The following MGMT variants were observed in gnomAD, a reference collection of about 807,000 sequenced individuals.
MGMT encodes methylated-DNA--protein-cysteine methyltransferase.
Under a neutral mutation model 15.9 loss-of-function variants are expected in MGMT, and 14 were observed. The ratio of observed to expected loss-of-function variants is 0.88; its 90% confidence interval spans 0.58 to 1.37. The LOEUF is 1.37. Among genes scored for constraint, MGMT ranks in the 40% most tolerant of loss-of-function variants. The pLI is 0.00. For synonymous variants in MGMT, 130 were observed against 118.2 expected, an observed-to-expected ratio of 1.10 and a Z score of -0.65; for missense variants, 282 against 268.1, an observed-to-expected ratio of 1.05 and a Z score of -0.36.
intron 2 of MGMT, among the ~76,000 whole-genome samples, chr10:129,598,886 C>T (rs142330606): frequency 6.6e-6 from 1 of 152,308 alleles, no homozygotes; most frequent in East Asian, 1.9e-4. Context: ...CTTGTTTTGA[C>T]AGGGACATCA....
chr10:129,731,267 C>T (rs181932066), intron 3 of MGMT, among the ~76,000 whole-genome samples: 16 of 152,212 alleles, frequency 1.1e-4, no homozygotes, highest in African/African-American at 3.9e-4. Flanking sequence ...CCTCTGGACC[C>T]CTCTTTAAGA....
chr10:129,489,434 A>G (rs2119653241), intron 1 of MGMT, among the ~76,000 whole-genome samples: 1 of 147,472 alleles, frequency 6.8e-6, no homozygotes, highest in East Asian at 2.0e-4. Context: ...CCTCTTCAGG[A>G]GTTTCTTGAT....
chr10:129,613,658 A>T (rs975512536), intron 2 of MGMT, among the ~76,000 whole-genome samples: 1 of 152,208 alleles, frequency 6.6e-6, no homozygotes, highest in African/African-American at 2.4e-5. Flanking sequence ...AAGGTCTAAA[A>T]CATTTACCAT....
chr10:129,724,933 C>A (rs187346638), intron 3 of MGMT, among the ~76,000 whole-genome samples: 1 of 152,290 alleles, frequency 6.6e-6, no homozygotes, highest in East Asian at 1.9e-4. Context: ...ATGGCCTCAG[C>A]GAGATACTGA....
At chr10:129,694,322 A>C (rs565495658) in intron 2 of MGMT, 1 of 152,400 alleles carries the variant, frequency 6.6e-6, no homozygotes, top group African/African-American at 2.4e-5. Context: ...ACACCTGGAA[A>C]TAAATGCTGC....
chr10:129,700,972 C>A (rs1185420932), intron 2 of MGMT: 1 of 152,260 alleles, frequency 6.6e-6, no homozygotes, highest in Non-Finnish European at 1.5e-5. Flanking sequence ...TGCTGCTCTG[C>A]CCTTCAGTCC....
intron 2 of MGMT, chr10:129,537,198 G>A (rs1423601112): frequency 6.6e-6 from 1 of 151,436 alleles, no homozygotes; most frequent in Admixed American, 6.6e-5. Flanking sequence ...TCTCTTAACT[G>A]GCTAATAAAC....
Position 129,662,950 on chromosome 10 carries a change from C to T in MGMT, c.126-44945C>T, listed in dbSNP as rs74406438. 8.8e-3 allele frequency among the ~76,000 whole-genome samples: 1,346 copies of T among 152,214 alleles called. 14 individuals are homozygous for T. Among genetic ancestry groups the T allele is most frequent in the African/African-American group, 0.028 (1,165 of 41,542 alleles). ...ACGCAAAGAGAAATAAATAGCAACA[C>T]GGAAATTGTCAGAGATGTTAACACA... On this transcript the variant is annotated intron_variant, in intron 2 of 4. Coordinates refer to ENST00000651593, the MANE Select transcript of MGMT (RefSeq NM_002412.5).
intron 2 of MGMT, among the ~76,000 whole-genome samples, chr10:129,661,192 G>A (rs1455851501): frequency 3.3e-5 from 5 of 152,062 alleles, no homozygotes; most frequent in African/African-American, 1.2e-4. Context: ...CACTTTGAGT[G>A]GAAATTTAGT....
At chr10:129,642,229 A>G (rs113765565) in intron 2 of MGMT, among the ~76,000 whole-genome samples, 7,318 of 152,214 alleles carry the variant, frequency 0.048, 213 homozygotes, top group Middle Eastern at 0.088. Context: ...GGGCGGGCGT[A>G]GGGGGCATAA....
Position 129,767,647 on chromosome 10 carries a change from G to A in MGMT, c.*650G>A, listed in dbSNP as rs1848954669. The A allele has an allele frequency of 6.6e-6, 1 of 152,274 alleles. No homozygotes were observed. Among genetic ancestry groups the A allele is most frequent in the Non-Finnish European group, 1.5e-5 (1 of 68,090 alleles). The allele number at this position is 152,274 out of a possible 1,614,324, so 9.4% of individuals were successfully genotyped here. A position where few individuals can be genotyped will look rare whatever the true frequency, so the allele number is the denominator to read the frequency against. Reference sequence around the variant, plus strand: ...GAAAGACAGAGAGCTCTCTGGACACGGGTTCGATGGAGCTTGCACCTCTCT... The same window carrying A: ...GAAAGACAGAGAGCTCTCTGGACACAGGTTCGATGGAGCTTGCACCTCTCT... On this transcript the variant is annotated 3_prime_UTR_variant, in exon 5 of 5. Transcript: ENST00000651593.
At chr10:129,656,065 A>G (rs1201131649) in intron 2 of MGMT, among the ~76,000 whole-genome samples, 1 of 152,236 alleles carries the variant, frequency 6.6e-6, no homozygotes, top group Non-Finnish European at 1.5e-5. Context: ...TTAACCAGAC[A>G]CATCACAGAT....
chr10:129,586,664 T>C lies in MGMT; in HGVS notation c.125+50287T>C, dbSNP rs940015627. Among the ~76,000 whole-genome samples the C allele has an allele frequency of 2.0e-5, 3 of 152,238 alleles. No individual in the cohort carries two copies. The East Asian group carries it at 5.8e-4, about 29-fold the overall frequency. ...TACATTGAATATTGTTCTTTCTGCT[T>C]TCGGCTGTTGCAGACACTGCTATGA... On this transcript the variant is annotated intron_variant, in intron 2 of 4. Coordinates refer to ENST00000651593, the MANE Select transcript of MGMT (RefSeq NM_002412.5).
At chr10:129,691,110 T>A (rs1847964571) in intron 2 of MGMT, among the ~76,000 whole-genome samples, 1 of 152,210 alleles carries the variant, frequency 6.6e-6, no homozygotes, top group Non-Finnish European at 1.5e-5. Flanking sequence ...AAGGCAGCAG[T>A]GGGAACTGGG....
chr10:129,509,361 GC>G, intron 1 of MGMT, among the ~76,000 whole-genome samples: 1 of 152,102 alleles, frequency 6.6e-6, no homozygotes, highest in Non-Finnish European at 1.5e-5. Flanking sequence ...TCCACGCCCA[GC>G]ACACACCAGG....
At chr10:129,763,224 A>C (rs911137192) in intron 4 of MGMT, among the ~76,000 whole-genome samples, 16 of 152,204 alleles carry the variant, frequency 1.1e-4, no homozygotes, top group Admixed American at 9.8e-4. Flanking sequence ...TATTGATAAA[A>C]ATTACATTTT....
intron 2 of MGMT, among the ~76,000 whole-genome samples, chr10:129,686,406 G>T (rs571224891): frequency 1.3e-5 from 2 of 151,918 alleles, no homozygotes; most frequent in African/African-American, 4.8e-5. Flanking sequence ...ACAGAGTCTC[G>T]CTTTGTTGCC....
chr10:129,625,803 C>T (rs1228676903), intron 2 of MGMT, among the ~76,000 whole-genome samples: 1 of 152,182 alleles, frequency 6.6e-6, no homozygotes, highest in African/African-American at 2.4e-5. Context: ...ATGTTTCTTC[C>T]AGTACTGATC....
At chr10:129,713,289 C>T (rs770108944) in intron 3 of MGMT, among the ~76,000 whole-genome samples, 1 of 152,076 alleles carries the variant, frequency 6.6e-6, no homozygotes, top group Admixed American at 6.5e-5. Flanking sequence ...CTTCCGATGC[C>T]CGTTTATTGA....
Sources: gnomAD v4.1 joint callset for allele counts (sites outside exome capture counted in the v4.1 genomes callset) on GRCh38, gnomAD v4.1.1 for gene constraint, MANE v1.5 for transcripts, NCBI Gene and HGNC (gene_info 2026-07-23, HGNC 2026-07-21) for gene names.